KMT5B: variants seen among roughly 807,000 people sequenced by gnomAD.
KMT5B encodes the protein lysine methyltransferase 5B.
KMT5B carries 10 observed loss-of-function variants against 83.2 expected under a neutral mutation model. The ratio of observed to expected loss-of-function variants is 0.12; its 90% CI spans 0.07 to 0.20. KMT5B has a LOEUF of 0.20. KMT5B is among the 10% of genes least tolerant of loss of function. The probability of loss-of-function intolerance (pLI) is 1.00; values close to 1 mark genes in which losing one functional copy is unlikely to be tolerated. For synonymous variants in KMT5B, 349 were observed against 388.8 expected, an observed-to-expected ratio of 0.90 and a Z score of 1.20; for missense variants, 753 against 1,067.2, an observed-to-expected ratio of 0.71 and a Z score of 4.10.
At chr11:68,211,299 A>G (rs1860863663) in intron 1 of KMT5B, among the ~76,000 whole-genome samples, 1 of 152,200 alleles carries the variant, frequency 6.6e-6, no homozygotes, top group South Asian at 2.1e-4. Flanking sequence ...GCGAGAATAA[A>G]AAGTTCACTG....
At chr11:68,211,998 A>T (rs1426652433) in intron 1 of KMT5B, among the ~76,000 whole-genome samples, 1 of 152,206 alleles carries the variant, frequency 6.6e-6, no homozygotes, top group African/African-American at 2.4e-5. Context: ...ATTTACAGCA[A>T]GCGGCAATTT....
intron 1 of KMT5B, among the ~76,000 whole-genome samples, chr11:68,193,735 AC>A (rs1319499689): frequency 6.6e-6 from 1 of 151,780 alleles, no homozygotes; most frequent in Non-Finnish European, 1.5e-5. Context: ...TAACATTAAA[AC>A]CTCTCATTAA....
intron 1 of KMT5B, among the ~76,000 whole-genome samples, chr11:68,201,635 T>C (rs1397657495): frequency 6.6e-6 from 1 of 152,020 alleles, no homozygotes. Flanking sequence ...CTAGAAAGAA[T>C]GTTAACGTAA....
rs1045000137 is a variant in KMT5B at position 68,156,457 on chromosome 11, A to G, written c.*1231T>C. 1.3e-5 allele frequency: 2 copies of G among 152,652 alleles called. No homozygotes were observed. The highest frequency in any genetic ancestry group is 4.8e-5 in the African/African-American group (2 of 41,474). 9.5% of individuals were successfully genotyped at this position (152,652 alleles called of 1,614,324 possible). On this transcript the variant is annotated 3_prime_UTR_variant, in exon 11 of 11. Coordinates refer to ENST00000304363, the MANE Select transcript of KMT5B (RefSeq NM_017635.5). ...GACTCCTTTTTGTTTAACTGATAAT[A>G]TAGTCAAAAAAATCTTTGATGTTTT... is the stretch of plus-strand genomic sequence containing the variant.
At chr11:68,175,802 T>C (rs956501265) in intron 4 of KMT5B, among the ~76,000 whole-genome samples, 3 of 152,190 alleles carry the variant, frequency 2.0e-5, no homozygotes, top group African/African-American at 7.2e-5. Flanking sequence ...ACCACCCATG[T>C]CAAAGTCATC....
intron 3 of KMT5B, among the ~76,000 whole-genome samples, chr11:68,181,630 G>A (rs1381732531): frequency 1.3e-5 from 2 of 152,080 alleles, no homozygotes; most frequent in East Asian, 3.8e-4. Context: ...AGTATTTATT[G>A]GCTATTTACT....
intron 10 of KMT5B, chr11:68,165,806 AAGACTGGAAT>A: frequency 6.3e-7 from 1 of 1,580,574 alleles, no homozygotes; most frequent in Non-Finnish European, 8.6e-7. Flanking sequence ...ATTAACGAAA[AAGACTGGAAT>A]AGGGCTACAG....
At chr11:68,185,674 T>G in intron 3 of KMT5B, 107 bp downstream of exon 3, 1 of 1,187,206 alleles carries the variant, frequency 8.4e-7, no homozygotes, top group Non-Finnish European at 1.2e-6. Context: ...TGCAAAGAAC[T>G]TTCCTTTAAT....
intron 10 of KMT5B, chr11:68,166,237 T>A: frequency 8.1e-7 from 1 of 1,230,516 alleles, no homozygotes. Flanking sequence ...ATTTCAAAGC[T>A]CCGCAAACAG....
chr11:68,199,939 A>G (rs1166681430), intron 1 of KMT5B, among the ~76,000 whole-genome samples: 1 of 152,234 alleles, frequency 6.6e-6, no homozygotes, highest in Non-Finnish European at 1.5e-5. Flanking sequence ...CAAAGACTAT[A>G]GGAAGATTGG....
chr11:68,179,582 T>C lies in KMT5B; in HGVS notation c.377+550A>G, dbSNP rs1436944380. 9 of 1,303,784 alleles carry C rather than the reference T, an allele frequency of 6.9e-6. No individual in the cohort carries two copies. The Admixed American group carries it at 1.8e-4, about 27-fold the overall frequency. 80.8% of individuals were successfully genotyped at this position (1,303,784 alleles called of 1,614,324 possible). On this transcript the variant is annotated intron_variant, in intron 4 of 10. Transcript: ENST00000304363. ...TTGTAGACTGTATTAGCTGTGCTAC[T>C]GTGCCCTTCATTAGCATGCACAATC...
At position 68,213,155 on chromosome 11, in the gene KMT5B, T is replaced by C. The variant is rs1591106092; in HGVS notation, c.-94A>G. On this transcript the variant is annotated 5_prime_UTR_variant, in exon 1 of 11. Coordinates refer to ENST00000304363, the MANE Select transcript of KMT5B (RefSeq NM_017635.5). Reference sequence around the variant, plus strand: ...CGACTCACCGCCTGCGCCGCCCCGCTCCTCCTCGGGGCGCGTCCCAGGCCC... The same window carrying C: ...CGACTCACCGCCTGCGCCGCCCCGCCCCTCCTCGGGGCGCGTCCCAGGCCC... 2.0e-5 allele frequency: 1 copy of C among 48,962 alleles called. No homozygotes were observed. Among genetic ancestry groups the C allele is most frequent in the Non-Finnish European group, 4.0e-5 (1 of 24,884 alleles). The allele number at this position is 48,962 out of a possible 1,614,324, so 3.0% of individuals were successfully genotyped here.
chr11:68,158,469 A>T lies in KMT5B; in HGVS notation c.1877T>A (p.Ile626Lys). 6.2e-7 allele frequency: 1 copy of T among 1,614,008 alleles called. No homozygotes were observed. Among genetic ancestry groups the T allele is most frequent in the Non-Finnish European group, 8.5e-7 (1 of 1,179,972 alleles). ...QGKLVKQFAK[I>K]EESTPVHDSP... Reference sequence around the variant, plus strand: ...ATCGTGCACTGGAGTAGATTCCTCTATTTTTGCAAACTGTTTCACAAGTTT... The same window carrying T: ...ATCGTGCACTGGAGTAGATTCCTCTTTTTTTGCAAACTGTTTCACAAGTTT... The change falls in exon 11 of 11, where the codon ATA becomes AAA. Residue 626 changes from isoleucine (I) to lysine (K), a missense_variant. Transcript: ENST00000304363.
rs1855824757 is a variant in KMT5B at position 68,171,407 on chromosome 11, AT to A, written c.820+135del. 1.6e-6 allele frequency: 2 copies of A among 1,277,204 alleles called. No homozygotes were observed. Among genetic ancestry groups the A allele is most frequent in the Admixed American group, 2.5e-5 (1 of 39,400 alleles). 79.1% of individuals were successfully genotyped at this position (1,277,204 alleles called of 1,614,324 possible). A position where few individuals can be genotyped will look rare whatever the true frequency, so the allele number is the denominator to read the frequency against. ...ACTAAAGGAATATACATTTATTTTA[AT>A]AAGTTTGTGGAAACATTTCTATTTC... On this transcript the variant is annotated intron_variant, in intron 7 of 10. Coordinates refer to ENST00000304363, the MANE Select transcript of KMT5B (RefSeq NM_017635.5). The surrounding 1 kb of genome is among the most constrained non-coding windows in gnomAD (Gnocchi z 5.1).
intron 1 of KMT5B, among the ~76,000 whole-genome samples, chr11:68,193,946 T>C (rs2153076647): frequency 6.6e-6 from 1 of 151,932 alleles, no homozygotes; most frequent in Middle Eastern, 3.4e-3. Flanking sequence ...ATTACCAGCA[T>C]GAGCCACCAC....
intron 1 of KMT5B, among the ~76,000 whole-genome samples, chr11:68,204,176 C>T (rs1474938763): frequency 1.3e-5 from 2 of 152,234 alleles, no homozygotes; most frequent in African/African-American, 2.4e-5. Context: ...GACACCATCA[C>T]TAAGTTTTGA....
At chr11:68,206,341 C>A (rs1327637352) in intron 1 of KMT5B, among the ~76,000 whole-genome samples, 1 of 152,188 alleles carries the variant, frequency 6.6e-6, no homozygotes, top group Non-Finnish European at 1.5e-5. Context: ...TAAGTACAGC[C>A]TTTACAGCCC....
At chr11:68,211,906 T>C (rs560748589) in intron 1 of KMT5B, among the ~76,000 whole-genome samples, 3 of 152,270 alleles carry the variant, frequency 2.0e-5, no homozygotes, top group Admixed American at 1.3e-4. Context: ...GACTCTAACC[T>C]GGGAATATAA....
At chr11:68,181,437 A>G (rs1856925665) in intron 3 of KMT5B, among the ~76,000 whole-genome samples, 1 of 152,210 alleles carries the variant, frequency 6.6e-6, no homozygotes, top group Middle Eastern at 3.2e-3. Flanking sequence ...AGGAAGGGAA[A>G]AGAGTATAAA....
Sources: allele counts gnomAD v4.1 joint callset (sites outside exome capture counted in the v4.1 genomes callset), GRCh38; gene constraint gnomAD v4.1.1; non-coding constraint Gnocchi (gnomAD v3.1); transcripts MANE v1.5; gene names NCBI Gene and HGNC (gene_info 2026-07-23, HGNC 2026-07-21).